FRMD4B: variants seen among roughly 807,000 people sequenced by gnomAD.
FRMD4B encodes the protein FERM domain containing 4B, also known as FERM domain-containing protein 4B.
Under a neutral mutation model 141.5 loss-of-function variants are expected in FRMD4B, and 74 were observed. The ratio of observed to expected loss-of-function variants is 0.52; its 90% confidence interval spans 0.43 to 0.63. The LOEUF is 0.63. Ranked by LOEUF, FRMD4B falls within the 30% of genes least tolerant of loss-of-function variation. The pLI is 0.00. For synonymous variants in FRMD4B, 506 were observed against 467.9 expected (o/e 1.08, Z -1.05); for missense variants, 1,366 against 1,253.4 (o/e 1.09, Z -1.36).
At chr3:69,450,240 A>G (rs556226620) in intron 1 of FRMD4B, among the ~76,000 whole-genome samples, 92 of 152,234 alleles carry the variant, frequency 6.0e-4, no homozygotes, top group Non-Finnish European at 9.4e-4. Flanking sequence ...AAACCACTTC[A>G]GGCCAAATGT....
Position 69,245,244 on chromosome 3 carries a change from C to T in FRMD4B, c.581+3982G>A, listed in dbSNP as rs189987094. On this transcript the variant is annotated intron_variant, in intron 7 of 22. Transcript: ENST00000398540. ...TAGCCAAGCTGGCATTTGAATCAGGCTGTCTGGTTCCACAGTCTTTGCTCT... is the reference window on the plus strand; with the variant it reads ...TAGCCAAGCTGGCATTTGAATCAGGTTGTCTGGTTCCACAGTCTTTGCTCT... Among the ~76,000 whole-genome samples, 385 of 152,250 alleles carry T rather than the reference C, an allele frequency of 2.5e-3. 1 individual carries two copies. Among genetic ancestry groups the T allele is most frequent in the African/African-American group, 9.1e-3 (377 of 41,546 alleles).
Position 69,257,690 on chromosome 3 carries a change from C to T in FRMD4B, c.502-7591G>A, listed in dbSNP as rs184790840. Among the ~76,000 whole-genome samples, 6 of 151,682 alleles carry T rather than the reference C, an allele frequency of 4.0e-5. No homozygotes were observed. In the East Asian group the frequency reaches 1.2e-3, roughly 29 times the overall value. ...GCTTTTTTTTTTCTTGAGACAGAGT[C>T]TCTCTCTGTCACCCAGGCTGGAATG... On this transcript the variant is annotated intron_variant, in intron 5 of 22. Coordinates refer to ENST00000398540, the MANE Select transcript of FRMD4B (RefSeq NM_015123.3).
At chr3:69,383,592 C>T (rs575281915) in intron 1 of FRMD4B, among the ~76,000 whole-genome samples, 7 of 152,318 alleles carry the variant, frequency 4.6e-5, no homozygotes, top group African/African-American at 7.2e-5. Context: ...GGAGGTCTCC[C>T]TCTGTCACTT....
intron 5 of FRMD4B, among the ~76,000 whole-genome samples, chr3:69,279,421 A>C (rs942492402): frequency 6.6e-6 from 1 of 152,190 alleles, no homozygotes; most frequent in Non-Finnish European, 1.5e-5. Context: ...AAATGAGCTA[A>C]TAACACACAC....
At chr3:69,327,440 T>A (rs1702222249) in intron 1 of FRMD4B, among the ~76,000 whole-genome samples, 2 of 152,180 alleles carry the variant, frequency 1.3e-5, no homozygotes, top group Non-Finnish European at 1.5e-5. Context: ...ATCACATACA[T>A]CGTCCTGAGA....
At chr3:69,205,059 C>CCAAAAAAAAAAAA (rs2093009909) in intron 11 of FRMD4B, among the ~76,000 whole-genome samples, 1 of 124,464 alleles carries the variant, frequency 8.0e-6, no homozygotes, top group South Asian at 2.6e-4. Flanking sequence ...ATGTTTTTAA[C>CCAAAAAAAAAAAA]AAAAAAAAAA....
intron 7 of FRMD4B, among the ~76,000 whole-genome samples, chr3:69,228,815 C>T (rs1396485933): frequency 6.9e-6 from 1 of 145,130 alleles, no homozygotes; most frequent in Non-Finnish European, 1.5e-5. Context: ...GCCTGGGCAA[C>T]AGAGTGAGAT....
intron 1 of FRMD4B, among the ~76,000 whole-genome samples, chr3:69,330,639 C>T (rs1406404001): frequency 6.6e-6 from 1 of 151,390 alleles, no homozygotes; most frequent in Admixed American, 6.6e-5. Context: ...GCCACTGTGC[C>T]TGGCCGCCTT....
chr3:69,264,415 G>T (rs1193653596), intron 5 of FRMD4B, among the ~76,000 whole-genome samples: 1 of 147,080 alleles, frequency 6.8e-6, no homozygotes, highest in Non-Finnish European at 1.5e-5. Flanking sequence ...GTTGGTGGGG[G>T]TATTTATATC....
intron 1 of FRMD4B, among the ~76,000 whole-genome samples, chr3:69,448,438 G>A (rs1354780784): frequency 1.3e-5 from 2 of 152,238 alleles, no homozygotes; most frequent in African/African-American, 4.8e-5. Context: ...ATAAAAAACT[G>A]AGATCTATGG....
intron 5 of FRMD4B, among the ~76,000 whole-genome samples, chr3:69,254,154 G>C (rs1240144079): frequency 6.6e-6 from 1 of 151,948 alleles, no homozygotes; most frequent in Non-Finnish European, 1.5e-5. Flanking sequence ...GCCCAGGCTG[G>C]AGTGCAGTGG....
chr3:69,378,396 G>T (rs1704029500), intron 1 of FRMD4B, among the ~76,000 whole-genome samples: 1 of 152,152 alleles, frequency 6.6e-6, no homozygotes, highest in African/African-American at 2.4e-5. Flanking sequence ...CTTCTATCAG[G>T]GCACCTGGCA....
intron 2 of FRMD4B, among the ~76,000 whole-genome samples, chr3:69,400,847 T>G (rs1418080858): frequency 6.6e-6 from 1 of 152,224 alleles, no homozygotes; most frequent in Non-Finnish European, 1.5e-5. Context: ...CTGCTTCTAT[T>G]ACACTGAGTT....
intron 1 of FRMD4B, among the ~76,000 whole-genome samples, chr3:69,344,168 T>C (rs972932986): frequency 6.6e-6 from 1 of 152,232 alleles, no homozygotes; most frequent in Non-Finnish European, 1.5e-5. Context: ...CATCTCAATG[T>C]CTGACTCCAA....
rs1309006969 is a variant in FRMD4B at position 69,170,593 on chromosome 3, AAAG to A, written c.*1265_*1267del. ...ACAATATGAACAAGAAACTTGTATA[AAAG>A]AAGGGGGAAAGGAGCACCTTTTATG... On this transcript the variant is annotated 3_prime_UTR_variant, in exon 23 of 23. Coordinates refer to ENST00000398540, the MANE Select transcript of FRMD4B (RefSeq NM_015123.3). 5.3e-5 allele frequency: 8 copies of A among 152,212 alleles called. No homozygotes were observed. Among genetic ancestry groups the A allele is most frequent in the Non-Finnish European group, 8.8e-5 (6 of 68,040 alleles). The allele number at this position is 152,212 out of a possible 1,614,324, so 9.4% of individuals were successfully genotyped here. A position where few individuals can be genotyped will look rare whatever the true frequency, so the allele number is the denominator to read the frequency against.
chr3:69,231,355 T>C (rs1168620470), intron 7 of FRMD4B, among the ~76,000 whole-genome samples: 2 of 152,218 alleles, frequency 1.3e-5, no homozygotes, highest in Non-Finnish European at 2.9e-5. Flanking sequence ...TGGCACCATC[T>C]TGGCTAACTG....
At chr3:69,453,976 A>AC (rs1195952475) in intron 1 of FRMD4B, among the ~76,000 whole-genome samples, 3 of 152,134 alleles carry the variant, frequency 2.0e-5, no homozygotes, top group Non-Finnish European at 4.4e-5. Flanking sequence ...CCGCACTGGG[A>AC]CCCAAGCTGG....
At chr3:69,331,162 G>C (rs893950385) in intron 1 of FRMD4B, among the ~76,000 whole-genome samples, 4 of 152,200 alleles carry the variant, frequency 2.6e-5, no homozygotes, top group African/African-American at 9.6e-5. Flanking sequence ...TCTGAAGGGT[G>C]GGGAGGGTAG....
intron 1 of FRMD4B, chr3:69,353,635 G>A (rs1703227082): frequency 1.0e-6 from 1 of 984,580 alleles, no homozygotes; most frequent in Non-Finnish European, 1.2e-6. Flanking sequence ...TGCGGTGTGT[G>A]TGTGTGTGCG....
Sources: allele counts gnomAD v4.1 joint callset (sites outside exome capture counted in the v4.1 genomes callset), GRCh38; gene constraint gnomAD v4.1.1; transcripts MANE v1.5; gene names NCBI Gene and HGNC (gene_info 2026-07-23, HGNC 2026-07-21).